RIPK4: variants seen among roughly 807,000 people sequenced by gnomAD.
RIPK4 encodes receptor-interacting serine/threonine-protein kinase 4.
Under a neutral mutation model 42.9 loss-of-function variants are expected in RIPK4, and 17 were observed. The observed-to-expected ratio is 0.40, with a 90% CI of 0.27 to 0.59. The LOEUF is 0.59. RIPK4 is among the 20% of genes least tolerant of loss of function. RIPK4 has a pLI of 0.47. For synonymous variants in RIPK4, 498 were observed against 499.1 expected (o/e 1.00, Z 0.03); for missense variants, 897 against 1,104.4 (o/e 0.81, Z 2.66).
chr21:41,766,644 G>C (rs952273651), intron 1 of RIPK4, among the ~76,000 whole-genome samples: 1 of 152,106 alleles, frequency 6.6e-6, no homozygotes, highest in Non-Finnish European at 1.5e-5. Context: ...GTGCGCGATC[G>C]AGCCCGGGCT....
chr21:41,746,267 A>T (rs1379270100), intron 5 of RIPK4: 3 of 578,760 alleles, frequency 5.2e-6, no homozygotes, highest in Non-Finnish European at 9.4e-6. Context: ...TCCTCAAGAG[A>T]AGGGCGACGC....
At position 41,751,189 on chromosome 21, in the gene RIPK4, GCT is replaced by G; in HGVS notation, c.529_530del (p.Ser177HisfsTer49). On this transcript the variant is annotated frameshift_variant, in exon 3 of 8. Transcript: ENST00000332512. LOFTEE classifies it high-confidence loss of function. The surrounding 1 kb of genome is among the most constrained non-coding windows in gnomAD (Gnocchi z 4.5). ...CNGLSHSHDL[S>X]MDGLFGTIAY... ...CGATTGTGCCAAACAGGCCATCCAT[GCT>G]GAGGTCATGCGAGTGGGACAGCCCG... 1 of 1,614,266 alleles carries G rather than the reference GCT, an allele frequency of 6.2e-7. No individual in the cohort carries two copies. The highest frequency in any genetic ancestry group is 8.5e-7 in the Non-Finnish European group (1 of 1,180,044).
chr21:41,749,889 TAAAAA>T (rs776305508), intron 3 of RIPK4, among the ~76,000 whole-genome samples: 2 of 99,398 alleles, frequency 2.0e-5, no homozygotes, highest in African/African-American at 3.6e-5. Context: ...CCAAATTGAT[TAAAAA>T]AAAAAAAAAA....
chr21:41,761,759 CTTA>C (rs976181541), intron 1 of RIPK4, among the ~76,000 whole-genome samples: 2 of 152,218 alleles, frequency 1.3e-5, no homozygotes, highest in Non-Finnish European at 2.9e-5. Flanking sequence ...GGCTGAGTAG[CTTA>C]TTAAGTGGAA....
chr21:41,747,153 G>A (rs534807097), intron 4 of RIPK4, among the ~76,000 whole-genome samples: 97 of 152,308 alleles, frequency 6.4e-4, no homozygotes, highest in Middle Eastern at 6.8e-3. Context: ...TGAGGCTCAC[G>A]CACCATGGAG....
chr21:41,740,739 A>G lies in RIPK4; in HGVS notation c.*99T>C, dbSNP rs2061149881. ...CCTCTGCTTGGTTAACATTTAGGTA[A>G]GCCACAACAGGGCCCCACGCAGGAT... On this transcript the variant is annotated 3_prime_UTR_variant, in exon 8 of 8. Coordinates refer to ENST00000332512, the MANE Select transcript of RIPK4 (RefSeq NM_020639.3). The G allele has an allele frequency of 1.7e-6, 2 of 1,196,030 alleles. No homozygotes were observed. Among genetic ancestry groups the G allele is most frequent in the Admixed American group, 2.7e-5 (1 of 37,406 alleles). The allele number at this position is 1,196,030 out of a possible 1,614,324, so 74.1% of individuals were successfully genotyped here.
chr21:41,746,695 G>GGCTCTGCACACGGGCGGCA lies in RIPK4; in HGVS notation c.731_749dup (p.Arg251AlafsTer29). The GGCTCTGCACACGGGCGGCA allele has an allele frequency of 6.2e-7, 1 of 1,610,906 alleles. No homozygotes were observed. The highest frequency in any genetic ancestry group is 8.5e-7 in the Non-Finnish European group (1 of 1,179,696). On this transcript the variant is annotated frameshift_variant, in exon 5 of 8. Transcript: ENST00000332512. LOFTEE classifies it high-confidence loss of function. ...TCAGGTGGCTGCAGGCGCGCGGCCGGGCTCTGCACACGGGCGGCAGCTCGG... is the reference window on the plus strand; with the variant it reads ...TCAGGTGGCTGCAGGCGCGCGGCCGGGCTCTGCACACGGGCGGCAGCTCTGCACACGGGCGGCAGCTCGG...
At chr21:41,745,947 G>A (rs746209420) in intron 5 of RIPK4, 85 bp from the exon 6 acceptor site, 13 of 1,115,200 alleles carry the variant, frequency 1.2e-5, no homozygotes, top group Middle Eastern at 2.0e-4. Flanking sequence ...GCCCCCACGA[G>A]CTGGGGGATT....
At chr21:41,756,390 A>T in intron 2 of RIPK4, 135 bp downstream of exon 2, 1 of 1,159,552 alleles carries the variant, frequency 8.6e-7, no homozygotes, top group Non-Finnish European at 1.2e-6. Context: ...CCTCGGTTTC[A>T]AGCTCTTTCC....
At chr21:41,759,370 G>A (rs745510851) in intron 1 of RIPK4, among the ~76,000 whole-genome samples, 10 of 152,116 alleles carry the variant, frequency 6.6e-5, no homozygotes, top group Non-Finnish European at 8.8e-5. Context: ...AGGATTACAG[G>A]CATGAGTCAC....
At position 41,746,634 on chromosome 21, in the gene RIPK4, G is replaced by GCGGAT; in HGVS notation, c.806_810dup (p.Arg271IlefsTer26). 6.2e-7 allele frequency: 1 copy of GCGGAT among 1,610,376 alleles called. No individual in the cohort carries two copies. On this transcript the variant is annotated frameshift_variant, in exon 5 of 8. Coordinates refer to ENST00000332512, the MANE Select transcript of RIPK4 (RefSeq NM_020639.3). LOFTEE classifies it high-confidence loss of function. The stretch of plus-strand genomic sequence containing the variant: ...TCACCTTGGAAGGTGGGCCTAACTC[G>GCGGAT]CGGATCCCCCTGCCAGCACCGCTGC...
At chr21:41,759,993 T>C (rs988218695) in intron 1 of RIPK4, among the ~76,000 whole-genome samples, 4 of 152,132 alleles carry the variant, frequency 2.6e-5, no homozygotes, top group Non-Finnish European at 5.9e-5. Flanking sequence ...TGGTTCTCAA[T>C]TAGAGGCAAC....
Position 41,744,148 on chromosome 21 carries a change from G to A in RIPK4, c.937-8C>T. On this transcript the variant is annotated splice_region_variant and splice_polypyrimidine_tract_variant and intron_variant, in intron 6 of 7. Coordinates refer to ENST00000332512, the MANE Select transcript of RIPK4 (RefSeq NM_020639.3). Reference sequence around the variant, plus strand: ...GAGCCTCGCAGGCACCACCTGCGAAGATGCAGAAGAGGGGGTGGGTGAAGA... The same window carrying A: ...GAGCCTCGCAGGCACCACCTGCGAAAATGCAGAAGAGGGGGTGGGTGAAGA... The A allele has an allele frequency of 6.4e-7, 1 of 1,573,374 alleles. No homozygotes were observed. The highest frequency in any genetic ancestry group is 1.2e-5 in the South Asian group (1 of 86,670).
In RIPK4 at chr21:41,757,796, C is replaced by T. The variant is rs904186998; in HGVS notation, c.183-980G>A. Among the ~76,000 whole-genome samples the T allele has an allele frequency of 1.3e-3, 189 of 151,078 alleles. 1 individual carries two copies. The highest frequency in any genetic ancestry group is 2.0e-3 in the Non-Finnish European group (138 of 67,846). The stretch of plus-strand genomic sequence containing the variant: ...CAGGCAGATCACAAGGTCAGGAGTT[C>T]GAGACCAGCCTGATCAACATGGTGA... On this transcript the variant is annotated intron_variant, in intron 1 of 7. Coordinates refer to ENST00000332512, the MANE Select transcript of RIPK4 (RefSeq NM_020639.3).
intron 1 of RIPK4, 35 bp downstream of exon 1, chr21:41,766,825 C>T: frequency 6.3e-7 from 1 of 1,584,510 alleles, no homozygotes; most frequent in Non-Finnish European, 8.6e-7. Flanking sequence ...CAGCCCGGGC[C>T]CCAGCCGCCC....
In RIPK4 at chr21:41,755,311, C is replaced by T. The variant is rs1569105030; in HGVS notation, c.474+1214G>A. On this transcript the variant is annotated intron_variant, in intron 2 of 7. Transcript: ENST00000332512. This position sits in a 1 kb window ranked among gnomAD's most constrained non-coding sequence, Gnocchi z 4.2. ...TCTTCTAGCTGAAATCTTATTACTG[C>T]GCAACACCTACCTAAGAGACAACTT... Among the ~76,000 whole-genome samples the T allele has an allele frequency of 6.6e-6, 1 of 152,194 alleles. No individual in the cohort carries two copies. The highest frequency in any genetic ancestry group is 2.1e-4 in the South Asian group (1 of 4,832).
Position 41,767,029 on chromosome 21 carries a change from C to T in RIPK4, c.13G>A (p.Gly5Ser). The change falls in exon 1 of 8, where the codon GGC becomes AGC. Residue 5 changes from glycine (G) to serine (S), a missense_variant. Coordinates refer to ENST00000332512, the MANE Select transcript of RIPK4 (RefSeq NM_020639.3). This position sits in a 1 kb window ranked among gnomAD's most constrained non-coding sequence, Gnocchi z 4.0. MEGD[G>S]GTPWALALLR... ...AGCGCCAGGGCCCATGGGGTCCCGCCGTCGCCCTCCATCGCGCACGTCTAG... is the reference window on the plus strand; with the variant it reads ...AGCGCCAGGGCCCATGGGGTCCCGCTGTCGCCCTCCATCGCGCACGTCTAG... 1 of 1,577,194 alleles carries T rather than the reference C, an allele frequency of 6.3e-7. No homozygotes were observed. The highest frequency in any genetic ancestry group is 8.6e-7 in the Non-Finnish European group (1 of 1,165,236).
intron 1 of RIPK4, among the ~76,000 whole-genome samples, chr21:41,766,108 G>A (rs748526885): frequency 6.6e-6 from 1 of 152,234 alleles, no homozygotes; most frequent in Non-Finnish European, 1.5e-5. Context: ...TTGAATGCAA[G>A]GCCCTTCCCT....
chr21:41,743,779 G>C, intron 7 of RIPK4, 103 bp downstream of exon 7: 5 of 1,392,676 alleles, frequency 3.6e-6, no homozygotes, highest in Non-Finnish European at 4.8e-6. Context: ...TTCTTGCTGG[G>C]TCAAGAAACT....
Sources: gnomAD v4.1 joint callset for allele counts (sites outside exome capture counted in the v4.1 genomes callset) on GRCh38, gnomAD v4.1.1 for gene constraint, Gnocchi (gnomAD v3.1) non-coding constraint, MANE v1.5 for transcripts, NCBI Gene and HGNC (gene_info 2026-07-23, HGNC 2026-07-21) for gene names.